Variants in CLSTN2 observed in about 807,000 individuals in gnomAD.
The protein encoded by CLSTN2 is calsyntenin 2.
A neutral mutation model predicts 101.2 loss-of-function variants in CLSTN2; 48 were observed. That is an observed-to-expected ratio of 0.47 (90% CI 0.38 to 0.60). The LOEUF is 0.60. CLSTN2 is among the 20% of genes least tolerant of loss of function. The probability of loss-of-function intolerance (pLI) is 0.00; values close to 1 mark genes in which losing one functional copy is unlikely to be tolerated. For synonymous variants in CLSTN2, 481 were observed against 463.6 expected (o/e 1.04, Z -0.48); for missense variants, 1,160 against 1,238.2 (o/e 0.94, Z 0.95).
chr3:140,377,052 G>GTGTC (rs2087925664), intron 2 of CLSTN2, among the ~76,000 whole-genome samples: 1 of 151,604 alleles, frequency 6.6e-6, no homozygotes, highest in African/African-American at 2.4e-5. Context: ...ATGTGTGTGT[G>GTGTC]TGTTATATGC....
At chr3:140,376,575 C>G (rs1319583) in intron 2 of CLSTN2, among the ~76,000 whole-genome samples, 145,710 of 152,296 alleles carry the variant, frequency 0.96, 70,025 homozygotes, top group East Asian at 1. Context: ...TAGGTAAACT[C>G]TACATGGATT....
At chr3:140,292,799 C>T (rs1204522247) in intron 2 of CLSTN2, among the ~76,000 whole-genome samples, 1 of 152,206 alleles carries the variant, frequency 6.6e-6, no homozygotes, top group Non-Finnish European at 1.5e-5. Flanking sequence ...ATGTGTGTGT[C>T]TGTGCTTTAA....
chr3:139,974,405 A>T (rs1935774547), intron 1 of CLSTN2, among the ~76,000 whole-genome samples: 1 of 152,150 alleles, frequency 6.6e-6, no homozygotes, highest in South Asian at 2.1e-4. Flanking sequence ...GGTCCAAGAT[A>T]TGCTGTCAGT....
At chr3:140,544,305 A>G (rs1935543577) in intron 9 of CLSTN2, among the ~76,000 whole-genome samples, 1 of 152,216 alleles carries the variant, frequency 6.6e-6, no homozygotes, top group Non-Finnish European at 1.5e-5. Flanking sequence ...CCTGCCATCC[A>G]GGAGAGAAAG....
chr3:140,000,209 G>T lies in CLSTN2; in HGVS notation c.109+64726G>T, dbSNP rs536285340. Among the ~76,000 whole-genome samples, 18 of 152,254 alleles carry T rather than the reference G, an allele frequency of 1.2e-4. No individual in the cohort carries two copies. In the East Asian group the frequency reaches 2.7e-3, roughly 23 times the overall value. On this transcript the variant is annotated intron_variant, in intron 1 of 16. Transcript: ENST00000458420. ...GAATTCAATCAGACAAGTGTAAAAG[G>T]TTCCTGACATATAGCGGGCACTCAG...
At chr3:140,169,857 A>G (rs1186809101) in intron 1 of CLSTN2, among the ~76,000 whole-genome samples, 3 of 152,180 alleles carry the variant, frequency 2.0e-5, no homozygotes, top group East Asian at 1.9e-4. Context: ...AGTTATGAGT[A>G]TTTGAATGCC....
At position 140,111,379 on chromosome 3, in the gene CLSTN2, A is replaced by G. The variant is rs115412559; in HGVS notation, c.110-64572A>G. Among the ~76,000 whole-genome samples, 385 of 152,228 alleles carry G rather than the reference A, an allele frequency of 2.5e-3. 5 individuals are homozygous for G. Among genetic ancestry groups the G allele is most frequent in the African/African-American group, 8.7e-3 (362 of 41,544 alleles). ...TGAGGGTCTTCATCTTTTTTATCCAAGTCAGACAAATGAACTCTGCAATAG... is the reference window on the plus strand; with the variant it reads ...TGAGGGTCTTCATCTTTTTTATCCAGGTCAGACAAATGAACTCTGCAATAG... On this transcript the variant is annotated intron_variant, in intron 1 of 16. Coordinates refer to ENST00000458420, the MANE Select transcript of CLSTN2 (RefSeq NM_022131.3).
Position 140,298,729 on chromosome 3 carries a change from G to A in CLSTN2, c.233-104900G>A, listed in dbSNP as rs4142785. Among the ~76,000 whole-genome samples the A allele has an allele frequency of 3.3e-5, 5 of 152,334 alleles. No homozygotes were observed. In the East Asian group the frequency reaches 9.6e-4, roughly 29 times the overall value. ...TTCCTCCAAAAGCCCATTGTCCAGT[G>A]GGGCAGCAACTGTGGATGCAGTGGG... is the stretch of plus-strand genomic sequence containing the variant. On this transcript the variant is annotated intron_variant, in intron 2 of 16. Coordinates refer to ENST00000458420, the MANE Select transcript of CLSTN2 (RefSeq NM_022131.3).
chr3:140,251,482 A>G (rs1258591357), intron 2 of CLSTN2, among the ~76,000 whole-genome samples: 11 of 152,292 alleles, frequency 7.2e-5, no homozygotes, highest in Admixed American at 2.6e-4. Flanking sequence ...AAAATGTTTC[A>G]GAAACTTTGA....
chr3:140,264,358 T>A (rs2086677017), intron 2 of CLSTN2, among the ~76,000 whole-genome samples: 1 of 133,420 alleles, frequency 7.5e-6, no homozygotes, highest in African/African-American at 2.8e-5. Context: ...TGCTGTGAGT[T>A]CAAGGTTAAT....
At chr3:140,144,978 C>A (rs562187734) in intron 1 of CLSTN2, among the ~76,000 whole-genome samples, 2 of 152,214 alleles carry the variant, frequency 1.3e-5, no homozygotes, top group Non-Finnish European at 2.9e-5. Flanking sequence ...CCCCAGAGGA[C>A]CATTTCCTAT....
intron 2 of CLSTN2, among the ~76,000 whole-genome samples, chr3:140,368,878 A>G (rs181757648): frequency 2.0e-4 from 31 of 152,336 alleles, no homozygotes; most frequent in African/African-American, 7.5e-4. Context: ...AAACATTTAT[A>G]TAGCATTATC....
chr3:139,987,517 G>A (rs563478808), intron 1 of CLSTN2, among the ~76,000 whole-genome samples: 2 of 152,306 alleles, frequency 1.3e-5, no homozygotes, highest in East Asian at 3.9e-4. Context: ...CACCAACAGG[G>A]TCTCTTTCCA....
At chr3:140,237,776 C>T (rs764810121) in intron 2 of CLSTN2, among the ~76,000 whole-genome samples, 11 of 152,068 alleles carry the variant, frequency 7.2e-5, no homozygotes, top group Non-Finnish European at 1.5e-4. Flanking sequence ...AGGCAGAAAG[C>T]TTCTATTATT....
At chr3:140,116,951 A>T (rs2009253631) in intron 1 of CLSTN2, among the ~76,000 whole-genome samples, 1 of 152,052 alleles carries the variant, frequency 6.6e-6, no homozygotes, top group Admixed American at 6.5e-5. Flanking sequence ...TTTTGACATC[A>T]GTGTACTATT....
intron 2 of CLSTN2, among the ~76,000 whole-genome samples, chr3:140,290,823 C>T (rs1047310276): frequency 6.6e-6 from 1 of 152,174 alleles, no homozygotes; most frequent in African/African-American, 2.4e-5. Flanking sequence ...TAGAAGCTAC[C>T]AGACAACAGC....
intron 2 of CLSTN2, among the ~76,000 whole-genome samples, chr3:140,366,700 A>G (rs572514242): frequency 5.3e-4 from 81 of 152,240 alleles, no homozygotes; most frequent in African/African-American, 1.8e-3. Context: ...AGTGCCCACA[A>G]AACCCTTCAA....
intron 8 of CLSTN2, among the ~76,000 whole-genome samples, chr3:140,494,735 G>A (rs1024356730): frequency 2.6e-5 from 4 of 152,128 alleles, no homozygotes; most frequent in Admixed American, 6.5e-5. Context: ...GTTCCTATGT[G>A]AGTTTGCTAA....
chr3:139,994,484 G>GGAGTGA (rs1273341400), intron 1 of CLSTN2, among the ~76,000 whole-genome samples: 7 of 152,040 alleles, frequency 4.6e-5, no homozygotes, highest in Non-Finnish European at 4.4e-5. Flanking sequence ...CACTGCCCTG[G>GGAGTGA]GCCACCACGT....
Sources: gnomAD v4.1 joint callset for allele counts (sites outside exome capture counted in the v4.1 genomes callset) on GRCh38, gnomAD v4.1.1 for gene constraint, MANE v1.5 for transcripts, NCBI Gene and HGNC (gene_info 2026-07-23, HGNC 2026-07-21) for gene names.